Variants in C3 observed in about 807,000 individuals in gnomAD.
The protein encoded by C3 is C3 and PZP-like alpha-2-macroglobulin domain-containing protein 1.
C3 carries 97 observed loss-of-function variants against 207.9 expected under a neutral mutation model. The observed-to-expected ratio is 0.47, with a 90% confidence interval of 0.40 to 0.55. The LOEUF is 0.55. Among genes scored for constraint, C3 ranks in the 20% least tolerant of loss-of-function variants. The probability of loss-of-function intolerance (pLI) is 0.00; values close to 1 mark genes in which losing one functional copy is unlikely to be tolerated. For missense variants in C3, 1,684 were observed against 2,171.7 expected, an observed-to-expected ratio of 0.78 and a Z score of 4.46; for synonymous variants, 848 against 857.6, an observed-to-expected ratio of 0.99 and a Z score of 0.20.
At chr19:6,689,338 TCCCTCCCTCCCTCCCTCCCTCC>T (rs1918102232) in intron 27 of C3, among the ~76,000 whole-genome samples, 12 of 27,374 alleles carry the variant, frequency 4.4e-4, no homozygotes, top group African/African-American at 2.1e-3. Flanking sequence ...CCTCCCTCCC[TCCCTCCCTCCCTCCCTCCCTCC>T]CTCTCTCTCT....
chr19:6,680,653 C>G (rs1917836057), intron 35 of C3, among the ~76,000 whole-genome samples: 1 of 152,278 alleles, frequency 6.6e-6, no homozygotes, highest in East Asian at 1.9e-4. Flanking sequence ...CCTTACCCCC[C>G]ATGCCAACTG....
chr19:6,712,392 G>T lies in C3; in HGVS notation c.1134C>A (p.Asn378Lys). Reference sequence around the variant, plus strand: ...CTCGGTAGGCTGGAGAGCCATCAGGGTTCGTCACGAACACCTGTGATGTGG... The same window carrying T: ...CTCGGTAGGCTGGAGAGCCATCAGGTTTCGTCACGAACACCTGTGATGTGG... ...MPFDLMVFVT[N>K]PDGSPAYRVP... The change falls in exon 11 of 41, where the codon AAC (asparagine) becomes AAA (lysine). Residue 378 changes from asparagine to lysine, a missense_variant. This residue lies in a region of C3 where 1,280 missense variants were observed against 1,739.1 expected (regional missense o/e 0.74). Transcript: ENST00000245907. 6.2e-7 allele frequency: 1 copy of T among 1,614,164 alleles called. No homozygotes were observed. Among genetic ancestry groups the T allele is most frequent in the African/African-American group, 1.3e-5 (1 of 75,058 alleles).
chr19:6,685,393 C>T (rs980046492), intron 29 of C3, among the ~76,000 whole-genome samples: 2 of 152,054 alleles, frequency 1.3e-5, no homozygotes, highest in African/African-American at 4.8e-5. Flanking sequence ...ATCAGAAAGT[C>T]CAAATGTAAG....
Position 6,713,234 on chromosome 19 carries a change from C to T in C3, c.958G>A (p.Val320Met), listed in dbSNP as rs1467955813. The change falls in exon 9 of 41, where the codon GTG (valine) becomes ATG (methionine). Residue 320 changes from valine to methionine, a missense_variant. By Grantham distance (21) the Val-to-Met change is conservative. Around this residue, in one of 3 missense-constraint regions of C3, gnomAD observed 1,280 missense variants for 1,739.1 expected, o/e 0.74. Transcript: ENST00000245907. ...GVQNPRAEDL[V>M]GKSLYVSATV... ...GCAGACACGTACAAAGACTTCCCCA[C>T]CAGGTCTTCTGCTCGGGGGTTCTGC... 1.2e-6 allele frequency: 2 copies of T among 1,613,750 alleles called. No individual in the cohort carries two copies. Among genetic ancestry groups the T allele is most frequent in the East Asian group, 2.2e-5 (1 of 44,886 alleles).
chr19:6,704,517 G>GGGAGGC, intron 17 of C3, among the ~76,000 whole-genome samples: 1 of 152,198 alleles, frequency 6.6e-6, no homozygotes, highest in African/African-American at 2.4e-5. Flanking sequence ...CCAATACTTT[G>GGGAGGC]GGAGGCGGAG....
intron 17 of C3, among the ~76,000 whole-genome samples, chr19:6,705,001 A>G (rs576144965): frequency 0.011 from 1,614 of 152,288 alleles, 8 homozygotes; most frequent in Non-Finnish European, 0.015. Context: ...AGCCTCCCAA[A>G]GTGCTGGGAT....
At chr19:6,681,183 G>A (rs910342337) in intron 35 of C3, among the ~76,000 whole-genome samples, 3 of 151,356 alleles carry the variant, frequency 2.0e-5, no homozygotes, top group African/African-American at 7.3e-5. Context: ...TTGAGCTCAG[G>A]AGTTTAAGAC....
In C3 at chr19:6,697,076, A is replaced by ATAAAC. The variant is rs71177114; in HGVS notation, c.2796+267_2796+268insGTTTA. ...AACAAACAAATAAATAAATAAATAA[A>ATAAAC]AAATTTCAAATCGAGTATAAAAAAA... On this transcript the variant is annotated intron_variant, in intron 21 of 40. Coordinates refer to ENST00000245907, the MANE Select transcript of C3 (RefSeq NM_000064.4). Among the ~76,000 whole-genome samples, 4 of 112,650 alleles carry ATAAAC rather than the reference A, an allele frequency of 3.6e-5. No homozygotes were observed. In the East Asian group the frequency reaches 1.0e-3, roughly 29 times the overall value. 73.9% of individuals were successfully genotyped at this position (112,650 alleles called of 152,430 possible).
In C3 at chr19:6,719,460, C is replaced by A. The variant is rs1435046340; in HGVS notation, c.75-57G>T. 11 of 1,519,404 alleles carry A rather than the reference C, an allele frequency of 7.2e-6. No homozygotes were observed. Among genetic ancestry groups the A allele is most frequent in the Non-Finnish European group, 9.1e-6 (10 of 1,097,728 alleles). 94.1% of individuals were successfully genotyped at this position (1,519,404 alleles called of 1,614,324 possible). ...CATTCCACGGATGTGAGACGCCAGT[C>A]CTCACTGGAGTCAGCGCCTGGCAGG... On this transcript the variant is annotated intron_variant, in intron 1 of 40. Coordinates refer to ENST00000245907, the MANE Select transcript of C3 (RefSeq NM_000064.4). This position sits in a 1 kb window ranked among gnomAD's most constrained non-coding sequence, Gnocchi z 5.4.
chr19:6,707,422 T>C, intron 16 of C3, 44 bp downstream of exon 16: 1 of 1,609,586 alleles, frequency 6.2e-7, no homozygotes, highest in Non-Finnish European at 8.5e-7. Context: ...TGGGGTCTCC[T>C]GGGGTGGGGC....
rs550190030 is a variant in C3 at position 6,700,906 on chromosome 19, C to T, written c.2440+1221G>A. 2.7e-5 allele frequency among the ~76,000 whole-genome samples: 4 copies of T among 149,718 alleles called. No homozygotes were observed. The South Asian group carries it at 8.4e-4, about 31-fold the overall frequency. On this transcript the variant is annotated intron_variant, in intron 19 of 40. Transcript: ENST00000245907. The stretch of plus-strand genomic sequence containing the variant: ...AACCATATAAATTATGGCTGGATGA[C>T]CGAGTGAGACTCCTTCTCAAAAACA...
chr19:6,689,327 ACCTCCCTCCCTCCCTCCCTCCCTCCCTC>A (rs1299356209), intron 27 of C3, among the ~76,000 whole-genome samples: 9 of 49,690 alleles, frequency 1.8e-4, no homozygotes, highest in African/African-American at 8.9e-4. Context: ...CTCTCTACCT[ACCTCCCTCCCTCCCTCCCTCCCTCCCTC>A]CCTCCCTCTC....
intron 7 of C3, 88 bp downstream of exon 7, chr19:6,713,901 GCCC>G (rs1170560866): frequency 8.1e-6 from 4 of 491,824 alleles, no homozygotes; most frequent in Non-Finnish European, 1.5e-5. Context: ...CCCATCTCCA[GCCC>G]CCCACCTGAC....
chr19:6,684,351 G>C (rs191910226), intron 33 of C3, 37 bp downstream of exon 33: 1 of 1,535,720 alleles, frequency 6.5e-7, no homozygotes, highest in Non-Finnish European at 9.0e-7. Context: ...GAGATAGAGG[G>C]ATGGCCAAGA....
chr19:6,706,382 T>G (rs1967774113), intron 17 of C3, among the ~76,000 whole-genome samples: 1 of 152,044 alleles, frequency 6.6e-6, no homozygotes, highest in South Asian at 2.1e-4. Context: ...CCCTCAGGCC[T>G]GGGCCTCCTG....
intron 2 of C3, among the ~76,000 whole-genome samples, chr19:6,718,987 G>T (rs1568229480): frequency 7.6e-6 from 1 of 132,278 alleles, no homozygotes; most frequent in Non-Finnish European, 1.6e-5. Context: ...AGGGGTGGGG[G>T]GGGGTCTCAG....
chr19:6,679,222 T>G lies in C3; in HGVS notation c.4547-14A>C, dbSNP rs1917795201. 6 of 1,610,660 alleles carry G rather than the reference T, an allele frequency of 3.7e-6. No individual in the cohort carries two copies. The highest frequency in any genetic ancestry group is 5.1e-6 in the Non-Finnish European group (6 of 1,176,952). ...TGAAGCAATTCTCTGCAGGGTGGGG[T>G]GGAGACAGGGTCTAAGTCCCACTCC... On this transcript the variant is annotated splice_polypyrimidine_tract_variant and intron_variant, in intron 37 of 40. Coordinates refer to ENST00000245907, the MANE Select transcript of C3 (RefSeq NM_000064.4).
chr19:6,677,776 T>C lies in C3; in HGVS notation c.*106A>G, dbSNP rs1683000676. The C allele has an allele frequency of 2.2e-6, 3 of 1,388,294 alleles. No homozygotes were observed. Among genetic ancestry groups the C allele is most frequent in the Admixed American group, 1.8e-5 (1 of 55,802 alleles). 86.0% of individuals were successfully genotyped at this position (1,388,294 alleles called of 1,614,324 possible). On this transcript the variant is annotated 3_prime_UTR_variant, in exon 41 of 41. Transcript: ENST00000245907. ...GGTTTCAAGTAGGATGGAGCTGAGCTGCAGGTGAGGCGGCTGGGGATTTCA... is the reference window on the plus strand; with the variant it reads ...GGTTTCAAGTAGGATGGAGCTGAGCCGCAGGTGAGGCGGCTGGGGATTTCA...
intron 24 of C3, among the ~76,000 whole-genome samples, chr19:6,693,999 G>C (rs1357936856): frequency 7.8e-6 from 1 of 128,800 alleles, no homozygotes; most frequent in East Asian, 2.3e-4. Flanking sequence ...GCATGGCCTT[G>C]AGGAGAGGCG....
Sources: gnomAD v4.1 joint callset for allele counts (sites outside exome capture counted in the v4.1 genomes callset) on GRCh38, gnomAD v4.1.1 for gene constraint, gnomAD v4.1.1 regional missense constraint, Gnocchi (gnomAD v3.1) non-coding constraint, MANE v1.5 for transcripts, NCBI Gene and HGNC (gene_info 2026-07-23, HGNC 2026-07-21) for gene names.